DGKB: variants seen among roughly 807,000 people sequenced by gnomAD.
The protein encoded by DGKB is diacylglycerol kinase beta.
A neutral mutation model predicts 114.3 loss-of-function variants in DGKB; 67 were observed. The ratio of observed to expected loss-of-function variants is 0.59; its 90% CI spans 0.48 to 0.72. The LOEUF is 0.72. Ranked by LOEUF, DGKB falls within the 30% of genes least tolerant of loss-of-function variation. DGKB has a pLI of 0.00. For synonymous variants in DGKB, 398 were observed against 323.1 expected, an observed-to-expected ratio of 1.23 and a Z score of -2.49; for missense variants, 907 against 975.2, an observed-to-expected ratio of 0.93 and a Z score of 0.93.
intron 1 of DGKB, among the ~76,000 whole-genome samples, chr7:14,871,912 A>G (rs1212988987): frequency 1.3e-5 from 2 of 152,082 alleles, no homozygotes; most frequent in Non-Finnish European, 2.9e-5. Flanking sequence ...TAACCTTTAG[A>G]AGTTTGAAAT....
chr7:14,164,609 A>G (rs1400537480), intron 25 of DGKB, among the ~76,000 whole-genome samples: 1 of 152,194 alleles, frequency 6.6e-6, no homozygotes, highest in African/African-American at 2.4e-5. Flanking sequence ...ACATTATGAT[A>G]AAACAATGTC....
intron 1 of DGKB, among the ~76,000 whole-genome samples, chr7:14,847,459 A>G (rs1321534336): frequency 6.6e-6 from 1 of 152,236 alleles, no homozygotes; most frequent in Non-Finnish European, 1.5e-5. Flanking sequence ...ATGAAATTAC[A>G]TGGAATATAA....
At chr7:14,529,827 C>A (rs1246470086) in intron 20 of DGKB, among the ~76,000 whole-genome samples, 2 of 151,576 alleles carry the variant, frequency 1.3e-5, no homozygotes, top group African/African-American at 4.8e-5. Context: ...CATTGTTTGC[C>A]TGGTATGTTC....
At chr7:14,953,893 G>C (rs1408250981) in intron 1 of DGKB, among the ~76,000 whole-genome samples, 1 of 152,008 alleles carries the variant, frequency 6.6e-6, no homozygotes, top group Admixed American at 6.6e-5. Flanking sequence ...TTAATGTATG[G>C]GCCCCCAGAC....
intron 23 of DGKB, among the ~76,000 whole-genome samples, chr7:14,296,206 A>AT (rs1483260608): frequency 2.0e-5 from 3 of 151,284 alleles, no homozygotes; most frequent in African/African-American, 7.3e-5. Flanking sequence ...TAATTTTTGT[A>AT]TTTTTAATAG....
rs575698444 is a variant in DGKB, at chr7:14,352,612, G to C, written c.1836-7221C>G. The stretch of plus-strand genomic sequence containing the variant: ...TTTAAACAATAACCAATCATGTTAA[G>C]AATTGAATACATTTCAATAATAATT... On this transcript the variant is annotated intron_variant, in intron 21 of 25. Coordinates refer to ENST00000402815, the MANE Select transcript of DGKB (RefSeq NM_001350709.2). Among the ~76,000 whole-genome samples, 43 of 152,234 alleles carry C rather than the reference G, an allele frequency of 2.8e-4. 1 individual carries two copies. The South Asian group carries it at 8.5e-3, about 30-fold the overall frequency.
At chr7:14,498,945 T>C (rs986700790) in intron 20 of DGKB, among the ~76,000 whole-genome samples, 1 of 151,622 alleles carries the variant, frequency 6.6e-6, no homozygotes, top group African/African-American at 2.4e-5. Flanking sequence ...AAAGACATTG[T>C]GTGTAAACAT....
rs1824387463 is a variant in DGKB at position 14,698,050 on chromosome 7, G to C, written c.591+45C>G. 6.2e-6 allele frequency: 6 copies of C among 965,842 alleles called. 1 individual carries two copies. The highest frequency in any genetic ancestry group is 9.6e-6 in the Non-Finnish European group (6 of 622,382). The allele number at this position is 965,842 out of a possible 1,614,324, so 59.8% of individuals were successfully genotyped here. ...AAGAAAGAAAGAAAAGAAAGAAAGA[G>C]GCCTTCCAGAATTTAGCCAATAGTG... is the stretch of plus-strand genomic sequence containing the variant. On this transcript the variant is annotated intron_variant, in intron 8 of 25. Transcript: ENST00000402815.
chr7:14,878,616 G>T (rs936723436), intron 1 of DGKB, among the ~76,000 whole-genome samples: 1 of 151,680 alleles, frequency 6.6e-6, no homozygotes, highest in Non-Finnish European at 1.5e-5. Flanking sequence ...GGGCGTAGTG[G>T]CGGGCGCCTG....
At chr7:14,467,280 A>G (rs1442980223) in intron 21 of DGKB, among the ~76,000 whole-genome samples, 1 of 150,302 alleles carries the variant, frequency 6.7e-6, no homozygotes, top group Non-Finnish European at 1.5e-5. Context: ...AAATTTTCTA[A>G]AAGAAATTTT....
At chr7:14,812,181 C>T (rs545014605) in intron 2 of DGKB, among the ~76,000 whole-genome samples, 1 of 152,216 alleles carries the variant, frequency 6.6e-6, no homozygotes, top group South Asian at 2.1e-4. Context: ...TTTATCAAAT[C>T]ATGCTTCTAT....
rs116614734 is a variant in DGKB at position 14,171,898 on chromosome 7, A to G, written c.2304+4941T>C. Among the ~76,000 whole-genome samples the G allele has an allele frequency of 9.4e-3, 1,428 of 152,330 alleles. 19 individuals carry two copies. Among genetic ancestry groups the G allele is most frequent in the African/African-American group, 0.032 (1,335 of 41,572 alleles). ...CTCTGGGGCTACCAAGATGATCCAA[A>G]TCATGGTCCATGACCTCAGTAAGCC... On this transcript the variant is annotated intron_variant, in intron 25 of 25. Coordinates refer to ENST00000402815, the MANE Select transcript of DGKB (RefSeq NM_001350709.2).
intron 20 of DGKB, among the ~76,000 whole-genome samples, chr7:14,501,922 C>CATAATG (rs1451778181): frequency 6.6e-6 from 1 of 151,810 alleles, no homozygotes; most frequent in African/African-American, 2.4e-5. Flanking sequence ...GAACAAATAC[C>CATAATG]ATAATGGGAT....
chr7:14,827,296 T>G (rs776326621), intron 2 of DGKB, among the ~76,000 whole-genome samples: 3 of 152,100 alleles, frequency 2.0e-5, no homozygotes, highest in Non-Finnish European at 2.9e-5. Context: ...TACCCAGAAT[T>G]TTTGACCTGT....
chr7:14,167,136 G>A (rs998508886), intron 25 of DGKB, among the ~76,000 whole-genome samples: 5 of 151,144 alleles, frequency 3.3e-5, no homozygotes, highest in Admixed American at 1.3e-4. Flanking sequence ...GCTTGAACCC[G>A]GGAGGCGGAG....
At chr7:14,167,274 C>T (rs963215934) in intron 25 of DGKB, among the ~76,000 whole-genome samples, 1 of 150,838 alleles carries the variant, frequency 6.6e-6, no homozygotes, top group Admixed American at 6.6e-5. Flanking sequence ...AATTCCATGG[C>T]AGTGGAAGGT....
intron 23 of DGKB, among the ~76,000 whole-genome samples, chr7:14,293,394 A>G (rs1802065470): frequency 6.6e-6 from 1 of 152,054 alleles, no homozygotes; most frequent in African/African-American, 2.4e-5. Context: ...TTTCTATTGC[A>G]TTGCTGGGTT....
intron 25 of DGKB, among the ~76,000 whole-genome samples, chr7:14,165,469 G>T (rs112147147): frequency 0.085 from 12,866 of 152,100 alleles, 897 homozygotes; most frequent in African/African-American, 0.19. Flanking sequence ...TCTCAAATTT[G>T]CCCTATTCCT....
intron 8 of DGKB, 75 bp from the exon 9 acceptor site, chr7:14,694,269 T>C (rs746862192): frequency 1.5e-6 from 2 of 1,319,318 alleles, no homozygotes; most frequent in Non-Finnish European, 2.1e-6. Flanking sequence ...CATATGAAAT[T>C]GTGACTAACA....
Sources: gnomAD v4.1 joint callset for allele counts (sites outside exome capture counted in the v4.1 genomes callset) on GRCh38, gnomAD v4.1.1 for gene constraint, MANE v1.5 for transcripts, NCBI Gene and HGNC (gene_info 2026-07-23, HGNC 2026-07-21) for gene names.